The following TIAM2 variants were observed in gnomAD, a reference collection of about 807,000 sequenced individuals.
TIAM2 encodes rho guanine nucleotide exchange factor TIAM2.
A neutral mutation model predicts 152.9 loss-of-function variants in TIAM2; 80 were observed. The observed-to-expected ratio is 0.52, with a 90% CI of 0.44 to 0.63. TIAM2 has a LOEUF of 0.63. TIAM2 is among the 30% of genes least tolerant of loss of function. The pLI is 0.00. For missense variants in TIAM2, 1,965 were observed against 2,120.1 expected (o/e 0.93, Z 1.44); for synonymous variants, 804 against 838.0 (o/e 0.96, Z 0.70).
Position 155,028,315 on chromosome 6 carries a change from TTACA to T in TIAM2, c.-209+32826_-209+32829del, listed in dbSNP as rs1257288702. ...ATATATACTACATATATGTACTGTG[TTACA>T]TATATACTACATATAATATATACTG... On this transcript the variant is annotated intron_variant, in intron 1 of 26. Coordinates refer to ENST00000682666, the MANE Select transcript of TIAM2 (RefSeq NM_012454.4). 3.5e-5 allele frequency among the ~76,000 whole-genome samples: 4 copies of T among 112,842 alleles called. No individual in the cohort carries two copies. In the South Asian group the frequency reaches 8.5e-4, roughly 24 times the overall value. 74.0% of individuals were successfully genotyped at this position (112,842 alleles called of 152,430 possible).
At position 155,257,707 on chromosome 6, in the gene TIAM2, A is replaced by G. The variant is rs1333124109; in HGVS notation, c.*586A>G. On this transcript the variant is annotated 3_prime_UTR_variant, in exon 27 of 27. Transcript: ENST00000682666. ...TTTTCTCTGCCAAGCTGTATAGTAAAAGGAAAATAAGTCACATCTGGTCAT... is the reference window on the plus strand; with the variant it reads ...TTTTCTCTGCCAAGCTGTATAGTAAGAGGAAAATAAGTCACATCTGGTCAT... 8 of 1,130,784 alleles carry G rather than the reference A, an allele frequency of 7.1e-6. 1 individual carries two copies. Among genetic ancestry groups the G allele is most frequent in the South Asian group, 2.8e-5 (2 of 71,570 alleles). 70.0% of individuals were successfully genotyped at this position (1,130,784 alleles called of 1,614,324 possible). A position where few individuals can be genotyped will look rare whatever the true frequency, so the allele number is the denominator to read the frequency against.
chr6:155,039,112 C>A (rs1198150212), intron 1 of TIAM2, among the ~76,000 whole-genome samples: 1 of 151,656 alleles, frequency 6.6e-6, no homozygotes, highest in African/African-American at 2.4e-5. Context: ...AGGTGTGTGC[C>A]ACCGCACCTG....
intron 16 of TIAM2, among the ~76,000 whole-genome samples, chr6:155,243,163 G>A (rs1783136559): frequency 6.6e-6 from 1 of 152,298 alleles, no homozygotes; most frequent in Admixed American, 6.5e-5. Context: ...TTAGAGTTTA[G>A]CCATTAGAGC....
intron 1 of TIAM2, among the ~76,000 whole-genome samples, chr6:155,023,847 T>A (rs1776545156): frequency 6.6e-6 from 1 of 152,196 alleles, no homozygotes; most frequent in African/African-American, 2.4e-5. Context: ...GTACATTACT[T>A]AATTTATCGG....
intron 1 of TIAM2, among the ~76,000 whole-genome samples, chr6:155,048,563 G>A (rs893133020): frequency 8.6e-6 from 1 of 116,016 alleles, no homozygotes; most frequent in African/African-American, 2.7e-5. Context: ...GAGAATGGGG[G>A]TCAGGGGTGT....
chr6:155,074,114 C>T (rs116259817), intron 1 of TIAM2, among the ~76,000 whole-genome samples: 1,537 of 152,252 alleles, frequency 0.01, 25 homozygotes, highest in African/African-American at 0.034. Context: ...TTCAATCATG[C>T]ACTGTCATGC....
intron 2 of TIAM2, among the ~76,000 whole-genome samples, chr6:155,099,241 TG>T: frequency 6.6e-6 from 1 of 151,722 alleles, no homozygotes; most frequent in South Asian, 2.1e-4. Context: ...TGTGTGTGTG[TG>T]TGTGTGTGTG....
intron 23 of TIAM2, among the ~76,000 whole-genome samples, chr6:155,252,394 A>G (rs1450253092): frequency 6.6e-6 from 1 of 152,202 alleles, no homozygotes. Context: ...AATTGAGCCC[A>G]GGAGGTGGAA....
rs111218704 is a variant in TIAM2 at position 155,029,513 on chromosome 6, C to G, written c.-209+34021C>G. 7.8e-3 allele frequency among the ~76,000 whole-genome samples: 171 copies of G among 22,002 alleles called. 19 individuals carry two copies. The highest frequency in any genetic ancestry group is 0.012 in the African/African-American group (78 of 6,306). 14.4% of individuals were successfully genotyped at this position (22,002 alleles called of 152,430 possible). On this transcript the variant is annotated intron_variant, in intron 1 of 26. Transcript: ENST00000682666. ...TAGTATATATTATATATAATATATA[C>G]TATATATTATAGTATAGATAATAAT...
At chr6:155,078,904 C>T (rs1051390683) in intron 1 of TIAM2, among the ~76,000 whole-genome samples, 8 of 152,106 alleles carry the variant, frequency 5.3e-5, no homozygotes, top group African/African-American at 1.9e-4. Context: ...ATATCTTCCT[C>T]TAGTTTGACT....
intron 13 of TIAM2, 67 bp from the exon 14 acceptor site, chr6:155,183,170 T>C: frequency 6.4e-7 from 1 of 1,557,782 alleles, no homozygotes; most frequent in Non-Finnish European, 8.7e-7. Context: ...GCAGCCTTCT[T>C]TCATCTGAAA....
At chr6:155,054,673 C>G (rs1439928389) in intron 1 of TIAM2, among the ~76,000 whole-genome samples, 1 of 152,076 alleles carries the variant, frequency 6.6e-6, no homozygotes. Flanking sequence ...CTCCCGCCCC[C>G]TGGGTTCAAG....
chr6:155,173,323 G>A (rs1780680321), intron 9 of TIAM2, among the ~76,000 whole-genome samples: 1 of 152,016 alleles, frequency 6.6e-6, no homozygotes, highest in African/African-American at 2.4e-5. Context: ...CTCTTCTATG[G>A]TTCACTAGAT....
At chr6:155,142,519 G>A (rs903035517) in intron 5 of TIAM2, among the ~76,000 whole-genome samples, 1 of 152,222 alleles carries the variant, frequency 6.6e-6, no homozygotes, top group Non-Finnish European at 1.5e-5. Flanking sequence ...TTGGACGTGT[G>A]TGCAGCTGGA....
At chr6:155,112,702 C>T (rs1448005216) in intron 2 of TIAM2, among the ~76,000 whole-genome samples, 5 of 152,134 alleles carry the variant, frequency 3.3e-5, no homozygotes, top group African/African-American at 1.2e-4. Context: ...AACTGAACTC[C>T]TCATCTTGCC....
chr6:155,087,826 T>A (rs113012485), intron 1 of TIAM2, among the ~76,000 whole-genome samples: 1 of 152,076 alleles, frequency 6.6e-6, no homozygotes, highest in Non-Finnish European at 1.5e-5. Flanking sequence ...TTTAAAAGTT[T>A]TAAGTAAATA....
At chr6:155,147,997 T>A in intron 6 of TIAM2, 113 bp from the exon 7 acceptor site, 1 of 988,896 alleles carries the variant, frequency 1.0e-6, no homozygotes, top group Non-Finnish European at 1.6e-6. Flanking sequence ...AAGCAGCTTG[T>A]ATGCAGTGCA....
At chr6:155,252,392 C>T (rs1032966571) in intron 23 of TIAM2, among the ~76,000 whole-genome samples, 1 of 152,108 alleles carries the variant, frequency 6.6e-6, no homozygotes, top group Admixed American at 6.5e-5. Flanking sequence ...TCAATTGAGC[C>T]CAGGAGGTGG....
intron 1 of TIAM2, among the ~76,000 whole-genome samples, chr6:154,998,127 G>T (rs1778251871): frequency 6.6e-6 from 1 of 152,132 alleles, no homozygotes; most frequent in Non-Finnish European, 1.5e-5. Flanking sequence ...TTCATGGGTG[G>T]GCGTCAGGGA....
Sources: gnomAD v4.1 joint callset for allele counts (sites outside exome capture counted in the v4.1 genomes callset) on GRCh38, gnomAD v4.1.1 for gene constraint, MANE v1.5 for transcripts, NCBI Gene and HGNC (gene_info 2026-07-23, HGNC 2026-07-21) for gene names.